The following AACS variants were observed in gnomAD, a reference collection of about 807,000 sequenced individuals.
AACS encodes acetoacetyl-CoA synthetase, also known as acetoacetate-CoA ligase.
Under a neutral mutation model 83.1 loss-of-function variants are expected in AACS, and 69 were observed. That is an observed-to-expected ratio of 0.83 (90% CI 0.68 to 1.01). AACS has a LOEUF of 1.01. AACS is among the 50% of genes least tolerant of loss of function. The pLI is 0.00. For synonymous variants in AACS, 333 were observed against 343.4 expected (o/e 0.97, Z 0.33); for missense variants, 866 against 882.2 (o/e 0.98, Z 0.23).
intron 4 of AACS, among the ~76,000 whole-genome samples, chr12:125,089,692 T>C (rs1454158470): frequency 1.3e-5 from 2 of 151,994 alleles, no homozygotes; most frequent in Non-Finnish European, 2.9e-5. Flanking sequence ...TGTGCAGCCA[T>C]CCATCAACCC....
At position 125,065,666 on chromosome 12, in the gene AACS, C is replaced by G; in HGVS notation, c.82C>G (p.Gln28Glu). 3.9e-6 allele frequency: 6 copies of G among 1,547,242 alleles called. No homozygotes were observed. The highest frequency in any genetic ancestry group is 5.2e-6 in the Non-Finnish European group (6 of 1,145,354). Residue 28 changes from glutamine to glutamate, a missense_variant, in exon 1 of 18, where the codon CAG becomes GAG. Gln to Glu is a conservative substitution (Grantham distance 29). Coordinates refer to ENST00000316519, the MANE Select transcript of AACS (RefSeq NM_023928.5). The part of the protein sequence containing the change: ...MWEPDSKKNT[Q>E]MDRFRAAVGA... ...GGAGCCTGACAGTAAGAAGAACACG[C>G]AGATGGACCGCTTCCGGGCGGCTGT...
In AACS at chr12:125,136,836, G is replaced by A; in HGVS notation, c.1853G>A (p.Ser618Asn). The change falls in exon 17 of 18, where the codon AGC becomes AAC. Residue 618 changes from serine to asparagine, a missense_variant. Ser to Asn is a conservative substitution (Grantham distance 46, BLOSUM62 1). Coordinates refer to ENST00000316519, the MANE Select transcript of AACS (RefSeq NM_023928.5). ...GGCTTGTCTGCGCGACACGTGCCCA[G>A]CCTCATCCTGGAAACCAAGGGCATC... The part of the protein sequence containing the change: ...RMGLSARHVP[S>N]LILETKGIPY... 1 of 1,613,648 alleles carries A rather than the reference G, an allele frequency of 6.2e-7. No individual in the cohort carries two copies. Among genetic ancestry groups the A allele is most frequent in the Non-Finnish European group, 8.5e-7 (1 of 1,180,002 alleles).
intron 3 of AACS, among the ~76,000 whole-genome samples, chr12:125,085,581 C>T: frequency 6.6e-6 from 1 of 152,238 alleles, no homozygotes; most frequent in Non-Finnish European, 1.5e-5. Flanking sequence ...CACGTCGCAT[C>T]CACGTCTGTT....
At chr12:125,138,779 A>G (rs921214698) in intron 17 of AACS, 1 of 152,210 alleles carries the variant, frequency 6.6e-6, no homozygotes, top group East Asian at 1.9e-4. Flanking sequence ...AGATTTTTGA[A>G]TGCCCTTACA....
At chr12:125,101,008 G>A (rs144232989) in intron 5 of AACS, 47 of 152,300 alleles carry the variant, frequency 3.1e-4, no homozygotes, top group African/African-American at 1.0e-3. Context: ...CAGGTTCTGG[G>A]GCCACTGTAT....
At chr12:125,117,705 G>C (rs2136115396) in intron 9 of AACS, 1 of 152,368 alleles carries the variant, frequency 6.6e-6, no homozygotes, top group East Asian at 1.9e-4. Context: ...CAGCTCAATG[G>C]CTAGGTGTGA....
At chr12:125,075,447 A>T (rs1955998703) in intron 2 of AACS, among the ~76,000 whole-genome samples, 1 of 149,772 alleles carries the variant, frequency 6.7e-6, no homozygotes, top group South Asian at 2.1e-4. Flanking sequence ...GCCCGCCACC[A>T]CGCCCGGCTA....
intron 5 of AACS, among the ~76,000 whole-genome samples, chr12:125,100,545 C>T (rs991597519): frequency 1.3e-5 from 2 of 152,254 alleles, no homozygotes; most frequent in Non-Finnish European, 2.9e-5. Context: ...ATGCTTTCTA[C>T]TCCCTACTCT....
chr12:125,142,667 T>C lies in AACS; in HGVS notation c.*438T>C. ...TCTCCTGTTTTCCCTCAGGGTCCAG[T>C]ATGCCTTTGAGCTTTAGCTGTTAGA... On this transcript the variant is annotated 3_prime_UTR_variant, in exon 18 of 18. Transcript: ENST00000316519. 6.3e-6 allele frequency: 1 copy of C among 158,396 alleles called. No homozygotes were observed. Among genetic ancestry groups the C allele is most frequent in the South Asian group, 1.9e-4 (1 of 5,252 alleles). 9.8% of individuals were successfully genotyped at this position (158,396 alleles called of 1,614,324 possible).
chr12:125,068,303 C>T (rs979445850), intron 1 of AACS, among the ~76,000 whole-genome samples: 4 of 152,016 alleles, frequency 2.6e-5, no homozygotes, highest in Admixed American at 2.6e-4. Context: ...ACGAAAAATA[C>T]AAAAAATTAT....
intron 1 of AACS, among the ~76,000 whole-genome samples, chr12:125,071,783 C>A (rs1371198090): frequency 6.6e-6 from 1 of 152,220 alleles, no homozygotes; most frequent in Non-Finnish European, 1.5e-5. Context: ...GTGGCTGCAT[C>A]CTTCCAGATT....
rs575597024 is a variant in AACS at position 125,136,756 on chromosome 12, C to T, written c.1773C>T (p.Ser591=). 3.5e-5 allele frequency: 57 copies of T among 1,614,140 alleles called. No individual in the cohort carries two copies. Among genetic ancestry groups the T allele is most frequent in the South Asian group, 2.0e-4 (18 of 91,080 alleles). The change falls in exon 17 of 18, where the codon TCC becomes TCT. Residue 591 remains serine, a synonymous_variant. Coordinates refer to ENST00000316519, the MANE Select transcript of AACS (RefSeq NM_023928.5). ...ERVILFLKMA[S]GHAFQPDLVK... ...TGATCCTCTTCCTGAAGATGGCCTC[C>T]GGGCACGCCTTCCAGCCTGACTTGG...
chr12:125,078,820 CAAAAAAAAAAA>C (rs71092270), intron 3 of AACS, among the ~76,000 whole-genome samples: 1 of 52,024 alleles, frequency 1.9e-5, no homozygotes. Flanking sequence ...GACTCCGTCT[CAAAAAAAAAAA>C]AAAAAAAAAA....
At position 125,131,734 on chromosome 12, in the gene AACS, G is replaced by A. The variant is rs1289682182; in HGVS notation, c.1550-2269G>A. Among the ~76,000 whole-genome samples the A allele has an allele frequency of 2.6e-5, 4 of 152,226 alleles. No homozygotes were observed. The East Asian group carries it at 5.8e-4, about 22-fold the overall frequency. ...CTGCCTCAGCCTCCTGAGTAGCTGG[G>A]ATTACAGGCGCGCGCCACCACGCCC... On this transcript the variant is annotated intron_variant, in intron 14 of 17. Coordinates refer to ENST00000316519, the MANE Select transcript of AACS (RefSeq NM_023928.5).
chr12:125,068,293 A>G (rs1417539533), intron 1 of AACS, among the ~76,000 whole-genome samples: 3 of 152,106 alleles, frequency 2.0e-5, no homozygotes, highest in Admixed American at 1.3e-4. Flanking sequence ...CCCCATCTCT[A>G]CGAAAAATAC....
At chr12:125,131,743 C>T (rs1039428052) in intron 14 of AACS, among the ~76,000 whole-genome samples, 2 of 152,080 alleles carry the variant, frequency 1.3e-5, no homozygotes, top group African/African-American at 4.8e-5. Context: ...GGATTACAGG[C>T]GCGCGCCACC....
chr12:125,115,209 G>C (rs565223270), intron 9 of AACS, among the ~76,000 whole-genome samples: 2 of 152,090 alleles, frequency 1.3e-5, no homozygotes, highest in Admixed American at 6.5e-5. Context: ...AAAACATCAA[G>C]AGCTTCCACA....
intron 1 of AACS, among the ~76,000 whole-genome samples, chr12:125,072,903 T>A (rs1308103437): frequency 2.0e-5 from 3 of 151,518 alleles, no homozygotes; most frequent in Non-Finnish European, 4.4e-5. Flanking sequence ...GGGAGACCTT[T>A]TACCATGTAA....
Position 125,065,479 on chromosome 12 carries a change from G to A in AACS, c.-106G>A. ...CCGCCGTCGCTGACCCAGCCCGCCA[G>A]GCGCTCCTGACCGTCGCTTCCTCCG... On this transcript the variant is annotated 5_prime_UTR_variant, in exon 1 of 18. Coordinates refer to ENST00000316519, the MANE Select transcript of AACS (RefSeq NM_023928.5). The A allele has an allele frequency of 1.6e-6, 2 of 1,229,410 alleles. No individual in the cohort carries two copies. Among genetic ancestry groups the A allele is most frequent in the Non-Finnish European group, 2.1e-6 (2 of 948,780 alleles). The allele number at this position is 1,229,410 out of a possible 1,614,324, so 76.2% of individuals were successfully genotyped here.
Sources: allele counts gnomAD v4.1 joint callset (sites outside exome capture counted in the v4.1 genomes callset), GRCh38; gene constraint gnomAD v4.1.1; transcripts MANE v1.5; gene names NCBI Gene and HGNC (gene_info 2026-07-23, HGNC 2026-07-21).